Variants in TSPAN15 observed in about 807,000 individuals in gnomAD.
TSPAN15 encodes tetraspanin 15, also known as tetraspanin-15.
A neutral mutation model predicts 34.5 loss-of-function variants in TSPAN15; 20 were observed. That is an observed-to-expected ratio of 0.58 (90% CI 0.41 to 0.84). The LOEUF (loss-of-function observed/expected upper bound fraction) is 0.84. Among genes scored for constraint, TSPAN15 ranks in the 40% least tolerant of loss-of-function variants. The probability of loss-of-function intolerance (pLI) is 0.00; values close to 1 mark genes in which losing one functional copy is unlikely to be tolerated. For synonymous variants in TSPAN15, 155 were observed against 153.9 expected (o/e 1.01, Z -0.05); for missense variants, 313 against 386.1 (o/e 0.81, Z 1.59).
In TSPAN15 at chr10:69,495,580, C is replaced by A; in HGVS notation, c.358-14C>A. ...GTGTGGTTCTTTTCCTTTGTAATTT[C>A]TCCTTTTGAATAGACCATTGACTTC... On this transcript the variant is annotated splice_polypyrimidine_tract_variant and intron_variant, in intron 3 of 7. Coordinates refer to ENST00000373290, the MANE Select transcript of TSPAN15 (RefSeq NM_012339.5). 1.3e-6 allele frequency: 2 copies of A among 1,595,848 alleles called. No individual in the cohort carries two copies. The highest frequency in any genetic ancestry group is 1.7e-6 in the Non-Finnish European group (2 of 1,163,396).
chr10:69,471,535 A>ATCTT (rs916844098), intron 1 of TSPAN15, among the ~76,000 whole-genome samples: 3 of 148,482 alleles, frequency 2.0e-5, no homozygotes, highest in Non-Finnish European at 2.9e-5. Context: ...ATATAAATCA[A>ATCTT]TCTTTCTTTC....
At chr10:69,540,794 G>A in the TSPAN15 span, among the ~76,000 whole-genome samples, 1 of 152,174 alleles carries the variant, frequency 6.6e-6, no homozygotes, top group Admixed American at 6.5e-5. Flanking sequence ...TGGGGTCTGG[G>A]CTCTGTAGGG....
At chr10:69,520,477 G>C in the TSPAN15 span, among the ~76,000 whole-genome samples, 1 of 152,138 alleles carries the variant, frequency 6.6e-6, no homozygotes, top group Non-Finnish European at 1.5e-5. Flanking sequence ...GGGCAACATA[G>C]GGGACCCCAT....
At chr10:69,494,929 G>A (rs533691277) in intron 3 of TSPAN15, 35 of 937,116 alleles carry the variant, frequency 3.7e-5, no homozygotes, top group Non-Finnish European at 4.3e-5. Flanking sequence ...AAAGCGCAGC[G>A]TGACTGGGAG....
chr10:69,507,051 G>T lies in TSPAN15; in HGVS notation c.*73G>T. ...CCTCTCAGTCAACATCGTGGGGCTG[G>T]ACAGGGCTGCGGCCCCTCTGCCCAC... is the stretch of plus-strand genomic sequence containing the variant. On this transcript the variant is annotated 3_prime_UTR_variant, in exon 8 of 8. Coordinates refer to ENST00000373290, the MANE Select transcript of TSPAN15 (RefSeq NM_012339.5). 1.3e-6 allele frequency: 2 copies of T among 1,562,124 alleles called. No individual in the cohort carries two copies. The highest frequency in any genetic ancestry group is 2.3e-5 in the East Asian group (1 of 42,676).
the TSPAN15 span, among the ~76,000 whole-genome samples, chr10:69,518,280 C>G: frequency 6.6e-6 from 1 of 152,232 alleles, no homozygotes; most frequent in Non-Finnish European, 1.5e-5. Flanking sequence ...AGGTTATGGA[C>G]AGAGCATCAC....
intron 1 of TSPAN15, among the ~76,000 whole-genome samples, chr10:69,459,813 T>C (rs1841204010): frequency 6.8e-6 from 1 of 147,700 alleles, no homozygotes; most frequent in African/African-American, 2.5e-5. Context: ...ATGCCTCCTC[T>C]GTGGGTACCC....
chr10:69,498,297 G>A lies in TSPAN15; in HGVS notation c.471G>A (p.Gly157=). ...FVQKKFKCCG[G]EDYRDWSKNQ... ...TCCCTCAGTTCAAGTGCTGTGGCGG[G>A]GAGGACTACCGAGATTGGAGCAAGA... The change falls in exon 5 of 8, where the codon GGG becomes GGA. Residue 157 remains glycine, a synonymous_variant. Transcript: ENST00000373290. The A allele has an allele frequency of 6.2e-7, 1 of 1,613,916 alleles. No individual in the cohort carries two copies. Among genetic ancestry groups the A allele is most frequent in the Non-Finnish European group, 8.5e-7 (1 of 1,179,994 alleles).
chr10:69,501,247 G>A (rs569136501), intron 5 of TSPAN15, among the ~76,000 whole-genome samples: 13 of 152,254 alleles, frequency 8.5e-5, no homozygotes, highest in African/African-American at 2.4e-4. Context: ...TTCTGGGAAC[G>A]ACTAGGCAAG....
chr10:69,531,078 G>A, the TSPAN15 span, among the ~76,000 whole-genome samples: 1 of 145,264 alleles, frequency 6.9e-6, no homozygotes, highest in Non-Finnish European at 1.5e-5. Context: ...GCTCGGAACA[G>A]GAAAAATAAA....
chr10:69,467,745 CACA>C (rs1841418825), intron 1 of TSPAN15, among the ~76,000 whole-genome samples: 1 of 152,026 alleles, frequency 6.6e-6, no homozygotes, highest in South Asian at 2.1e-4. Flanking sequence ...TAGTTATAGC[CACA>C]ACACCATTAT....
chr10:69,465,476 T>G (rs1000290173), intron 1 of TSPAN15, among the ~76,000 whole-genome samples: 3 of 152,242 alleles, frequency 2.0e-5, no homozygotes, highest in African/African-American at 7.2e-5. Flanking sequence ...GGGTTGTGCC[T>G]TCTGCATCCT....
chr10:69,465,644 A>T (rs1841367338), intron 1 of TSPAN15, among the ~76,000 whole-genome samples: 1 of 152,160 alleles, frequency 6.6e-6, no homozygotes. Context: ...TGGGAAAGAG[A>T]TGCTCAGAGA....
At chr10:69,489,863 A>T (rs1042948658) in intron 3 of TSPAN15, among the ~76,000 whole-genome samples, 1 of 152,212 alleles carries the variant, frequency 6.6e-6, no homozygotes, top group Non-Finnish European at 1.5e-5. Context: ...GGGCTGGAGG[A>T]GGACCTGAGT....
downstream of TSPAN15, among the ~76,000 whole-genome samples, chr10:69,511,716 A>G (rs893140342): frequency 6.6e-6 from 1 of 152,210 alleles, no homozygotes; most frequent in Non-Finnish European, 1.5e-5. Flanking sequence ...ATTTAGTGCT[A>G]TAAATTTCCC....
At chr10:69,522,036 T>A in the TSPAN15 span, among the ~76,000 whole-genome samples, 1 of 147,854 alleles carries the variant, frequency 6.8e-6, no homozygotes, top group Non-Finnish European at 1.5e-5. Context: ...TTCATGTGCT[T>A]ATTGGCCATT....
At chr10:69,455,023 T>C (rs1841053707) in intron 1 of TSPAN15, among the ~76,000 whole-genome samples, 1 of 150,980 alleles carries the variant, frequency 6.6e-6, no homozygotes, top group South Asian at 2.1e-4. Context: ...ATTAGCTGGG[T>C]ATGGTGGCGT....
At chr10:69,451,839 C>T (rs914917588) in intron 1 of TSPAN15, 149 bp downstream of exon 1, 2 of 564,220 alleles carry the variant, frequency 3.5e-6, no homozygotes, top group Non-Finnish European at 5.4e-6. Flanking sequence ...ACCTCACATT[C>T]GGGCGGCCAG....
At chr10:69,455,093 C>T (rs1008426340) in intron 1 of TSPAN15, among the ~76,000 whole-genome samples, 14 of 137,318 alleles carry the variant, frequency 1.0e-4, no homozygotes, top group Non-Finnish European at 6.1e-5. Context: ...ACCCGGGAAG[C>T]GGAGGTTGCA....
Sources: gnomAD v4.1 joint callset for allele counts (sites outside exome capture counted in the v4.1 genomes callset) on GRCh38, gnomAD v4.1.1 for gene constraint, MANE v1.5 for transcripts, NCBI Gene and HGNC (gene_info 2026-07-23, HGNC 2026-07-21) for gene names.